The following SERPINB4 variants were observed in gnomAD, a reference collection of about 807,000 sequenced individuals.
SERPINB4 encodes the protein serpin B4.
In SERPINB4, 39 loss-of-function variants were observed where a neutral mutation model predicts 33.2. That is an observed-to-expected ratio of 1.18 (90% CI 0.91 to 1.53). The LOEUF is 1.53. Ranked by LOEUF, SERPINB4 falls within the 40% of genes most tolerant of loss-of-function variation. SERPINB4 has a pLI of 0.00. For missense variants in SERPINB4, 564 were observed against 455.4 expected, an observed-to-expected ratio of 1.24 and a Z score of -2.17; for synonymous variants, 191 against 166.4, an observed-to-expected ratio of 1.15 and a Z score of -1.14.
intron 6 of SERPINB4, 48 bp from the exon 7 acceptor site, chr18:63,639,388 A>C (rs781261616): frequency 3.3e-6 from 5 of 1,531,226 alleles, no homozygotes; most frequent in Middle Eastern, 1.7e-4. Flanking sequence ...AACACAAGAC[A>C]AAAAAGATAA....
rs549295246 is a variant in SERPINB4 at position 63,643,280 on chromosome 18, C to A, written c.166-63G>T. 1.4e-4 allele frequency: 222 copies of A among 1,612,194 alleles called. 1 individual carries two copies. Among genetic ancestry groups the A allele is most frequent in the Middle Eastern group, 1.7e-4 (1 of 6,052 alleles). The stretch of plus-strand genomic sequence containing the variant: ...CAAAAGATCTGTTTAAGTCAGTGGT[C>A]TCACAGTTATGGGAATTCCTGCACA... On this transcript the variant is annotated intron_variant, in intron 2 of 7. Coordinates refer to ENST00000341074, the MANE Select transcript of SERPINB4 (RefSeq NM_002974.4).
At chr18:63,640,283 ATGTTGAGTT>A (rs1913082519) in intron 5 of SERPINB4, among the ~76,000 whole-genome samples, 1 of 151,886 alleles carries the variant, frequency 6.6e-6, no homozygotes, top group Non-Finnish European at 1.5e-5. Flanking sequence ...ATTCACTCTC[ATGTTGAGTT>A]GCTGTAAGTT....
intron 7 of SERPINB4, among the ~76,000 whole-genome samples, chr18:63,638,769 A>G (rs1913024243): frequency 7.4e-6 from 1 of 134,970 alleles, no homozygotes; most frequent in African/African-American, 2.8e-5. Context: ...CAATGAGAAC[A>G]CTTGGACACA....
Position 63,637,909 on chromosome 18 carries a change from A to C in SERPINB4, c.983T>G (p.Val328Gly). ...TWSHGLSVSK[V>G]LHKAFVEVTE... ...GACCTCCACAAAGGCCTTGTGTAGG[A>C]CTTTAGATACTGAGAGACCGTGGCT... Residue 328 changes from valine (V) to glycine (G), a missense_variant, in exon 8 of 8, where the codon GTC (valine) becomes GGC (glycine). Transcript: ENST00000341074. The C allele has an allele frequency of 6.2e-7, 1 of 1,613,518 alleles. No homozygotes were observed. Among genetic ancestry groups the C allele is most frequent in the Non-Finnish European group, 8.5e-7 (1 of 1,179,706 alleles).
intron 3 of SERPINB4, among the ~76,000 whole-genome samples, chr18:63,642,487 GA>G (rs555817114): frequency 2.6e-5 from 4 of 151,962 alleles, no homozygotes; most frequent in East Asian, 1.9e-4. Flanking sequence ...AGAGAATGGG[GA>G]AAAAAACCCT....
intron 5 of SERPINB4, 75 bp downstream of exon 5, chr18:63,640,799 C>A: frequency 7.9e-7 from 1 of 1,262,432 alleles, no homozygotes. Flanking sequence ...CACCTGTTCC[C>A]CCATGCAGTG....
intron 3 of SERPINB4, among the ~76,000 whole-genome samples, chr18:63,642,404 A>C (rs1913165022): frequency 6.6e-6 from 1 of 152,106 alleles, no homozygotes; most frequent in South Asian, 2.1e-4. Context: ...AGTGTATGCC[A>C]GGTCCATGGC....
Position 63,639,290 on chromosome 18 carries a change from A to G in SERPINB4, c.663T>C (p.Phe221=). 1 of 1,612,648 alleles carries G rather than the reference A, an allele frequency of 6.2e-7. No individual in the cohort carries two copies. ...QMMRQYNSFN[F]ALLEDVQAKV... ...TGGCCTGTACATCCTCCAGCAAGGC[A>G]AAATTAAAGGAATTGTATTGCCTCA... The change falls in exon 7 of 8, where the codon TTT becomes TTC. Residue 221 remains phenylalanine (F), a synonymous_variant. Coordinates refer to ENST00000341074, the MANE Select transcript of SERPINB4 (RefSeq NM_002974.4).
rs536169238 is a variant in SERPINB4, at chr18:63,641,207, CT to C, written c.352-217del. ...AGAGGTCACTGAAGGTCAATATCAT[CT>C]TGGCAAAAGGCAGAAGCAGAAGAGG... On this transcript the variant is annotated intron_variant, in intron 4 of 7. Transcript: ENST00000341074. 1.2e-4 allele frequency among the ~76,000 whole-genome samples: 18 copies of C among 152,168 alleles called. No individual in the cohort carries two copies. The East Asian group carries it at 2.5e-3, about 21-fold the overall frequency.
At chr18:63,642,132 C>T (rs1913155523) in intron 3 of SERPINB4, among the ~76,000 whole-genome samples, 2 of 152,084 alleles carry the variant, frequency 1.3e-5, no homozygotes, top group South Asian at 4.1e-4. Flanking sequence ...ACTAAAGATG[C>T]AGCGCTGTCT....
rs201045585 is a variant in SERPINB4 at position 63,641,801 on chromosome 18, C to A, written c.310G>T (p.Ala104Ser). The change falls in exon 4 of 8, where the codon GCC becomes TCC. Residue 104 changes from alanine (A) to serine (S), a missense_variant. Transcript: ENST00000341074. ...GTCTTTTCTCCGAAGAGCTTGTTGGCGATCTTCAGCTCATATGCATCAGTG... is the reference window on the plus strand; with the variant it reads ...GTCTTTTCTCCGAAGAGCTTGTTGGAGATCTTCAGCTCATATGCATCAGTG... Reference protein sequence around the residue: ...KSTDAYELKIANKLFGEKTYQ... With the variant: ...KSTDAYELKISNKLFGEKTYQ... 1.2e-6 allele frequency: 2 copies of A among 1,613,408 alleles called. No homozygotes were observed. Among genetic ancestry groups the A allele is most frequent in the Non-Finnish European group, 1.7e-6 (2 of 1,179,528 alleles).
rs181724952 is a variant in SERPINB4 at position 63,639,394 on chromosome 18, G to T, written c.613-54C>A. 59 of 1,518,022 alleles carry T rather than the reference G, an allele frequency of 3.9e-5. No individual in the cohort carries two copies. The Admixed American group carries it at 8.5e-4, about 22-fold the overall frequency. The allele number at this position is 1,518,022 out of a possible 1,614,324, so 94.0% of individuals were successfully genotyped here. A position where few individuals can be genotyped will look rare whatever the true frequency, so the allele number is the denominator to read the frequency against. ...AACACGTGAAACACAAGACAAAAAA[G>T]ATAATATTATTGAGATAGCAACACA... On this transcript the variant is annotated intron_variant, in intron 6 of 7. Transcript: ENST00000341074.
intron 7 of SERPINB4, 97 bp downstream of exon 7, chr18:63,639,088 G>T: frequency 7.4e-7 from 1 of 1,358,928 alleles, no homozygotes; most frequent in Non-Finnish European, 9.7e-7. Flanking sequence ...TCATCATTTT[G>T]AGGCAACTCG....
Position 63,643,173 on chromosome 18 carries a change from A to C in SERPINB4, c.210T>G (p.Ala70=), listed in dbSNP as rs572013661. The C allele has an allele frequency of 1.8e-5, 29 of 1,613,360 alleles. No homozygotes were observed. Among genetic ancestry groups the C allele is most frequent in the Non-Finnish European group, 2.4e-5 (28 of 1,179,550 alleles). ...DQVTENTTEK[A]ATYHVDRSGN... ...CTCTGTGACTCACATGATATGTTGC[A>C]GCTTTTTCTGTGGTGTTCTCTGTGA... is the stretch of plus-strand genomic sequence containing the variant. The change falls in exon 3 of 8, where the codon GCT becomes GCG. Residue 70 remains alanine, a synonymous_variant. Transcript: ENST00000341074.
chr18:63,638,726 A>G (rs894770913), intron 7 of SERPINB4, among the ~76,000 whole-genome samples: 38 of 148,558 alleles, frequency 2.6e-4, no homozygotes, highest in African/African-American at 9.2e-4. Context: ...TAACTAAGCC[A>G]TAGATGGAAT....
rs369684766 is a variant in SERPINB4, at chr18:63,643,406, T to A, written c.165+7A>T. ...CAACAGGACAACGTAATGATGCTGA[T>A]AGCTACCTTGCTAATTTGTTGTGCA... On this transcript the variant is annotated splice_region_variant and intron_variant, in intron 2 of 7. Transcript: ENST00000341074. 5 of 1,613,506 alleles carry A rather than the reference T, an allele frequency of 3.1e-6. No individual in the cohort carries two copies. Among genetic ancestry groups the A allele is most frequent in the Admixed American group, 3.3e-5 (2 of 59,946 alleles).
At position 63,637,898 on chromosome 18, in the gene SERPINB4, C is replaced by T. The variant is rs144633926; in HGVS notation, c.994G>A (p.Ala332Thr). Reference protein sequence around the residue: ...GLSVSKVLHKAFVEVTEEGVE... With the variant: ...GLSVSKVLHKTFVEVTEEGVE... ...CCCTCCTCAGTGACCTCCACAAAGG[C>T]CTTGTGTAGGACTTTAGATACTGAG... Residue 332 changes from alanine (A) to threonine (T), a missense_variant, in exon 8 of 8, where the codon GCC (alanine) becomes ACC (threonine). Transcript: ENST00000341074. 8.6e-5 allele frequency: 138 copies of T among 1,613,478 alleles called. No individual in the cohort carries two copies. The highest frequency in any genetic ancestry group is 1.1e-4 in the Non-Finnish European group (133 of 1,179,736).
At position 63,641,764 on chromosome 18, in the gene SERPINB4, A is replaced by G; in HGVS notation, c.347T>C (p.Leu116Ser). 1 of 1,613,304 alleles carries G rather than the reference A, an allele frequency of 6.2e-7. No homozygotes were observed. Among genetic ancestry groups the G allele is most frequent in the Middle Eastern group, 1.7e-4 (1 of 6,052 alleles). ...KLFGEKTYQF[L>S]QEYLDAIKKF... ...GGGTAGGCCAGGTGAAATTACCTGT[A>G]AAAATTGATACGTCTTTTCTCCGAA... The change falls in exon 4 of 8, where the codon TTA (leucine) becomes TCA (serine). Residue 116 changes from leucine (L) to serine (S), a missense_variant. Leu to Ser is a moderately radical substitution (Grantham distance 145, BLOSUM62 -2). Coordinates refer to ENST00000341074, the MANE Select transcript of SERPINB4 (RefSeq NM_002974.4).
In SERPINB4 at chr18:63,637,931, G is replaced by A. The variant is rs1325633177; in HGVS notation, c.961C>T (p.His321Tyr). 6.2e-7 allele frequency: 1 copy of A among 1,613,614 alleles called. No individual in the cohort carries two copies. The highest frequency in any genetic ancestry group is 8.5e-7 in the Non-Finnish European group (1 of 1,179,758). ...AGGACTTTAGATACTGAGAGACCGT[G>A]GCTCCAGGTCATGCCTGAGAGGTCT... The part of the protein sequence containing the change: ...DADLSGMTWS[H>Y]GLSVSKVLHK... The change falls in exon 8 of 8, where the codon CAC becomes TAC. Residue 321 changes from histidine (H) to tyrosine (Y), a missense_variant. Coordinates refer to ENST00000341074, the MANE Select transcript of SERPINB4 (RefSeq NM_002974.4).
Sources: gnomAD v4.1 joint callset for allele counts (sites outside exome capture counted in the v4.1 genomes callset) on GRCh38, gnomAD v4.1.1 for gene constraint, MANE v1.5 for transcripts, NCBI Gene and HGNC (gene_info 2026-07-23, HGNC 2026-07-21) for gene names.